The following BTRC variants were observed in gnomAD, a reference collection of about 807,000 sequenced individuals.
The protein encoded by BTRC is F-box/WD repeat-containing protein 1A.
A neutral mutation model predicts 85.5 loss-of-function variants in BTRC; 42 were observed. The observed-to-expected ratio is 0.49, with a 90% CI of 0.38 to 0.64. The LOEUF is 0.64. Among genes scored for constraint, BTRC ranks in the 30% least tolerant of loss-of-function variants. The pLI is 0.00. For synonymous variants in BTRC, 255 were observed against 263.3 expected (o/e 0.97, Z 0.30); for missense variants, 594 against 743.5 (o/e 0.80, Z 2.34).
At chr10:101,488,990 C>T (rs1481210328) in intron 4 of BTRC, among the ~76,000 whole-genome samples, 1 of 152,080 alleles carries the variant, frequency 6.6e-6, no homozygotes, top group Non-Finnish European at 1.5e-5. Context: ...ACTGCATTTA[C>T]AGAAACTTAA....
intron 6 of BTRC, among the ~76,000 whole-genome samples, chr10:101,529,083 G>A (rs997849525): frequency 6.6e-6 from 1 of 152,134 alleles, no homozygotes; most frequent in South Asian, 2.1e-4. Context: ...CACATTTTAT[G>A]ATAACATTCT....
chr10:101,482,690 C>T (rs913033290), intron 4 of BTRC, among the ~76,000 whole-genome samples: 1 of 152,136 alleles, frequency 6.6e-6, no homozygotes, highest in East Asian at 1.9e-4. Context: ...CTGCCGCATC[C>T]GGCCAACTGT....
At chr10:101,472,706 T>G (rs527835119) in intron 3 of BTRC, among the ~76,000 whole-genome samples, 3 of 152,234 alleles carry the variant, frequency 2.0e-5, no homozygotes, top group South Asian at 4.1e-4. Context: ...TCCCAGCTAC[T>G]TGGGAGGCTG....
At chr10:101,525,945 G>GA in intron 5 of BTRC, 68 bp from the exon 6 acceptor site, 1 of 1,464,956 alleles carries the variant, frequency 6.8e-7, no homozygotes, top group African/African-American at 1.4e-5. Flanking sequence ...TGTTTTAAAG[G>GA]ACCTTTTGTA....
chr10:101,478,043 T>TAAC (rs1945735613), intron 3 of BTRC, among the ~76,000 whole-genome samples: 1 of 152,170 alleles, frequency 6.6e-6, no homozygotes, highest in Non-Finnish European at 1.5e-5. Flanking sequence ...CTCTTGCCTG[T>TAAC]AATCCCAGCA....
chr10:101,436,498 G>C (rs1276998007), intron 2 of BTRC, among the ~76,000 whole-genome samples: 2 of 152,094 alleles, frequency 1.3e-5, no homozygotes, highest in Non-Finnish European at 2.9e-5. Context: ...TTAGCTGGGT[G>C]TGGTGGTACT....
intron 3 of BTRC, among the ~76,000 whole-genome samples, chr10:101,468,158 T>C (rs953788820): frequency 5.3e-5 from 8 of 152,178 alleles, no homozygotes; most frequent in South Asian, 2.1e-4. Context: ...GGGTTGGTGC[T>C]TTGTTTTATT....
chr10:101,470,957 G>A (rs868760631), intron 3 of BTRC, among the ~76,000 whole-genome samples: 1 of 152,042 alleles, frequency 6.6e-6, no homozygotes, highest in African/African-American at 2.4e-5. Flanking sequence ...TGAAGAAAAC[G>A]TTGCTGCTGG....
Position 101,366,793 on chromosome 10 carries a change from TACATTTATATA to T in BTRC, c.48+12566_48+12576del, listed in dbSNP as rs1942396966. Among the ~76,000 whole-genome samples the T allele has an allele frequency of 3.0e-5, 3 of 99,394 alleles. 1 individual carries two copies. Among genetic ancestry groups the T allele is most frequent in the African/African-American group, 4.0e-5 (1 of 25,250 alleles). The allele number at this position is 99,394 out of a possible 152,430, so 65.2% of individuals were successfully genotyped here. A position where few individuals can be genotyped will look rare whatever the true frequency, so the allele number is the denominator to read the frequency against. ...ATATATATATATATATATATATTTT[TACATTTATATA>T]TATATTTATATATATTAATATATAT... is the stretch of plus-strand genomic sequence containing the variant. On this transcript the variant is annotated intron_variant, in intron 1 of 14. Coordinates refer to ENST00000370187, the MANE Select transcript of BTRC (RefSeq NM_033637.4).
chr10:101,552,214 G>A (rs1191423137), intron 14 of BTRC, among the ~76,000 whole-genome samples: 1 of 150,714 alleles, frequency 6.6e-6, no homozygotes, highest in East Asian at 2.0e-4. Flanking sequence ...TTGAAACAGG[G>A]CTTCACTCCT....
intron 1 of BTRC, among the ~76,000 whole-genome samples, chr10:101,371,869 G>C (rs1284360067): frequency 6.6e-6 from 1 of 151,736 alleles, no homozygotes; most frequent in African/African-American, 2.4e-5. Context: ...CAGGTAATGT[G>C]CCTATGTAAC....
At chr10:101,385,381 AAAAG>A (rs1222203470) in intron 1 of BTRC, among the ~76,000 whole-genome samples, 3 of 150,394 alleles carry the variant, frequency 2.0e-5, no homozygotes, top group African/African-American at 4.8e-5. Flanking sequence ...AAAAAAAAAA[AAAAG>A]AAAAGAAAAA....
intron 2 of BTRC, among the ~76,000 whole-genome samples, chr10:101,454,704 C>T (rs1945030794): frequency 6.6e-6 from 1 of 152,078 alleles, no homozygotes; most frequent in African/African-American, 2.4e-5. Context: ...ATTACTTGAG[C>T]CCAGGAGTTG....
chr10:101,436,057 G>A (rs1944520464), intron 2 of BTRC, among the ~76,000 whole-genome samples: 1 of 152,128 alleles, frequency 6.6e-6, no homozygotes, highest in Non-Finnish European at 1.5e-5. Context: ...GCTGAAAAAA[G>A]TTGTTAGAAT....
chr10:101,446,332 T>C (rs969356674), intron 2 of BTRC, among the ~76,000 whole-genome samples: 48 of 152,226 alleles, frequency 3.2e-4, no homozygotes, highest in African/African-American at 1.1e-3. Context: ...AGGTTGTCTT[T>C]GGTTACTTGT....
At chr10:101,509,955 C>G (rs1450415482) in intron 4 of BTRC, among the ~76,000 whole-genome samples, 1 of 151,218 alleles carries the variant, frequency 6.6e-6, no homozygotes, top group African/African-American at 2.4e-5. Flanking sequence ...ATCACGAGAT[C>G]AGGAGTTTGA....
rs116279069 is a variant in BTRC, at chr10:101,436,682, C to T, written c.156+6230C>T. ...GATAGATAGATAGATTTATATGGCCCTAGAATACTTTAGCTATCAAGTGTA... is the reference window on the plus strand; with the variant it reads ...GATAGATAGATAGATTTATATGGCCTTAGAATACTTTAGCTATCAAGTGTA... On this transcript the variant is annotated intron_variant, in intron 2 of 14. Coordinates refer to ENST00000370187, the MANE Select transcript of BTRC (RefSeq NM_033637.4). Among the ~76,000 whole-genome samples the T allele has an allele frequency of 3.5e-3, 518 of 146,176 alleles. 1 individual carries two copies. The highest frequency in any genetic ancestry group is 0.013 in the African/African-American group (496 of 39,524).
At chr10:101,427,902 G>C (rs11191008) in intron 1 of BTRC, among the ~76,000 whole-genome samples, 3 of 152,214 alleles carry the variant, frequency 2.0e-5, no homozygotes, top group Admixed American at 6.5e-5. Flanking sequence ...TTAGCCTTAA[G>C]AAAATTTTAG....
intron 1 of BTRC, among the ~76,000 whole-genome samples, chr10:101,428,735 C>T (rs529651672): frequency 6.6e-6 from 1 of 152,240 alleles, no homozygotes; most frequent in African/African-American, 2.4e-5. Flanking sequence ...ATGTATTAAG[C>T]GTAGTCCTAT....
Sources: allele counts gnomAD v4.1 joint callset (sites outside exome capture counted in the v4.1 genomes callset), GRCh38; gene constraint gnomAD v4.1.1; transcripts MANE v1.5; gene names NCBI Gene and HGNC (gene_info 2026-07-23, HGNC 2026-07-21).